Variants in RTKN observed in about 807,000 individuals in gnomAD.
RTKN encodes rhotekin.
A neutral mutation model predicts 63.5 loss-of-function variants in RTKN; 49 were observed. That is an observed-to-expected ratio of 0.77 (90% CI 0.61 to 0.98). The LOEUF (loss-of-function observed/expected upper bound fraction) is 0.98, where lower values mean the gene tolerates loss of function less well. Ranked by LOEUF, RTKN falls within the 50% of genes least tolerant of loss-of-function variation. RTKN has a pLI of 0.00. For synonymous variants in RTKN, 295 were observed against 290.4 expected (o/e 1.02, Z -0.16); for missense variants, 685 against 740.8 (o/e 0.92, Z 0.87).
rs1671037873 is a variant in RTKN, at chr2:74,436,032, T to A, written c.112-3366A>T. 6.6e-6 allele frequency among the ~76,000 whole-genome samples: 1 copy of A among 152,224 alleles called. No homozygotes were observed. The highest frequency in any genetic ancestry group is 1.5e-5 in the Non-Finnish European group (1 of 68,044). On this transcript the variant is annotated intron_variant, in intron 1 of 11. Transcript: ENST00000272430. This position sits in a 1 kb window ranked among gnomAD's most constrained non-coding sequence, Gnocchi z 4.3. ...TACATAGGTCCTCCCAGTCTAGTTT[T>A]GTCTGCACCAGGGTTCTGCGCTGCC... is the stretch of plus-strand genomic sequence containing the variant.
chr2:74,428,960 G>T lies in RTKN; in HGVS notation c.756-18C>A. On this transcript the variant is annotated intron_variant, in intron 6 of 11. Coordinates refer to ENST00000272430, the MANE Select transcript of RTKN (RefSeq NM_001015055.2). Reference sequence around the variant, plus strand: ...GAGGACCACTGAGGGAGATAGGAGAGAGCATCAGCCAAGGGAGGGGCATGT... The same window carrying T: ...GAGGACCACTGAGGGAGATAGGAGATAGCATCAGCCAAGGGAGGGGCATGT... The T allele has an allele frequency of 6.2e-7, 1 of 1,603,630 alleles. No homozygotes were observed. Among genetic ancestry groups the T allele is most frequent in the South Asian group, 1.1e-5 (1 of 90,772 alleles).
At position 74,426,353 on chromosome 2, in the gene RTKN, G is replaced by A. The variant is rs142366489; in HGVS notation, c.1582C>T (p.His528Tyr). ...GCAACCGAGCGAGCCCTAGGGGAGT[G>A]GTCTGGGGGGACAGCATCCAGGGAA... ...TFSLDAVPPD[H>Y]SPRARSVAPL... The change falls in exon 12 of 12, where the codon CAC (histidine) becomes TAC (tyrosine). Residue 528 changes from histidine to tyrosine, a missense_variant. Physicochemically the swap from His to Tyr is moderately conservative, Grantham distance 83. Coordinates refer to ENST00000272430, the MANE Select transcript of RTKN (RefSeq NM_001015055.2). 1 of 1,612,016 alleles carries A rather than the reference G, an allele frequency of 6.2e-7. No individual in the cohort carries two copies. The highest frequency in any genetic ancestry group is 8.5e-7 in the Non-Finnish European group (1 of 1,178,490).
intron 1 of RTKN, among the ~76,000 whole-genome samples, chr2:74,438,630 C>T (rs982673495): frequency 6.6e-6 from 1 of 152,252 alleles, no homozygotes; most frequent in Non-Finnish European, 1.5e-5. Context: ...CCATCAGCTC[C>T]ACCCCAACTA....
chr2:74,435,910 G>A (rs947329607), intron 1 of RTKN, among the ~76,000 whole-genome samples: 7 of 152,160 alleles, frequency 4.6e-5, no homozygotes, highest in African/African-American at 1.7e-4. Flanking sequence ...GTGCTAGGCC[G>A]GACTTTTATC....
intron 1 of RTKN, chr2:74,439,632 C>T: frequency 6.2e-7 from 1 of 1,613,914 alleles, no homozygotes; most frequent in Non-Finnish European, 8.5e-7. Flanking sequence ...TCTCTGTGCC[C>T]CCCGGTGCCC....
chr2:74,426,358 G>A lies in RTKN; in HGVS notation c.1577C>T (p.Pro526Leu), dbSNP rs377536202. The change falls in exon 12 of 12, where the codon CCA becomes CTA. Residue 526 changes from proline to leucine, a missense_variant. Transcript: ENST00000272430. Reference sequence around the variant, plus strand: ...CGAGCGAGCCCTAGGGGAGTGGTCTGGGGGGACAGCATCCAGGGAAAAGGT... The same window carrying A: ...CGAGCGAGCCCTAGGGGAGTGGTCTAGGGGGACAGCATCCAGGGAAAAGGT... ...PRTFSLDAVPPDHSPRARSVA... is the reference protein window; with the variant it reads ...PRTFSLDAVPLDHSPRARSVA... The A allele has an allele frequency of 1.2e-6, 2 of 1,611,336 alleles. No homozygotes were observed. Among genetic ancestry groups the A allele is most frequent in the South Asian group, 1.1e-5 (1 of 90,954 alleles).
intron 1 of RTKN, among the ~76,000 whole-genome samples, chr2:74,441,023 C>T (rs1671339488): frequency 6.6e-6 from 1 of 152,262 alleles, no homozygotes; most frequent in African/African-American, 2.4e-5. Flanking sequence ...CAACCACACA[C>T]CTTCAGCCCC....
At chr2:74,429,763 G>A (rs1670627177) in intron 6 of RTKN, 65 bp downstream of exon 6, 2 of 1,488,134 alleles carry the variant, frequency 1.3e-6, no homozygotes, top group Non-Finnish European at 1.9e-6. Context: ...ACTCAACACA[G>A]TTCAAAGGTC....
intron 9 of RTKN, chr2:74,427,922 A>C (rs1391097071): frequency 2.1e-5 from 10 of 486,332 alleles, no homozygotes; most frequent in Non-Finnish European, 3.3e-5. Context: ...AGGGATAGGG[A>C]GCAAAGAAGG....
chr2:74,440,711 G>C (rs1414550493), intron 1 of RTKN: 8 of 269,536 alleles, frequency 3.0e-5, no homozygotes. Flanking sequence ...TGGGGGCAAG[G>C]GGACGCGACA....
rs943511189 is a variant in RTKN at position 74,439,485 on chromosome 2, G to A, written c.111+2221C>T. The A allele has an allele frequency of 6.4e-6, 10 of 1,557,910 alleles. No individual in the cohort carries two copies. The Admixed American group carries it at 1.5e-4, about 24-fold the overall frequency. ...CCCCACCATGCTGTAGCAGGAATGG[G>A]CAGGGCAGAGATTGGGGCTGGGATG... On this transcript the variant is annotated intron_variant, in intron 1 of 11. Transcript: ENST00000272430.
In RTKN at chr2:74,426,324, G is replaced by T. The variant is rs762891569; in HGVS notation, c.1611C>A (p.Pro537=). 1.9e-6 allele frequency: 3 copies of T among 1,613,714 alleles called. No individual in the cohort carries two copies. The highest frequency in any genetic ancestry group is 1.7e-4 in the Middle Eastern group (1 of 6,058). The change falls in exon 12 of 12, where the codon CCC becomes CCA. Residue 537 remains proline (P), a synonymous_variant. Coordinates refer to ENST00000272430, the MANE Select transcript of RTKN (RefSeq NM_001015055.2). ...TCCGTGGGGATCGCTGAGGTGGGAG[G>T]GGGGCAACCGAGCGAGCCCTAGGGG... ...DHSPRARSVA[P]LPPQRSPRTR...
rs755244728 is a variant in RTKN at position 74,428,785 on chromosome 2, C to T, written c.851-48G>A. ...GTGAGGTAGGGGAATGAGAAGGGGA[C>T]CATCCCACAGCCCCTCTTCTCACCA... On this transcript the variant is annotated intron_variant, in intron 7 of 11. Coordinates refer to ENST00000272430, the MANE Select transcript of RTKN (RefSeq NM_001015055.2). 7 of 1,601,176 alleles carry T rather than the reference C, an allele frequency of 4.4e-6. No individual in the cohort carries two copies. In the South Asian group the frequency reaches 7.7e-5, roughly 18 times the overall value.
intron 2 of RTKN, chr2:74,432,159 T>C (rs923463373): frequency 2.0e-6 from 1 of 501,378 alleles, no homozygotes. Context: ...AAAAGCCAGA[T>C]AGCCAGTCTT....
At chr2:74,428,168 GCTT>G (rs1670521065) in intron 9 of RTKN, 97 bp downstream of exon 9, 1 of 1,524,460 alleles carries the variant, frequency 6.6e-7, no homozygotes, top group Non-Finnish European at 9.0e-7. Flanking sequence ...CAGGAGGCCT[GCTT>G]CTATCTCTCT....
At chr2:74,435,909 C>T (rs1353089191) in intron 1 of RTKN, among the ~76,000 whole-genome samples, 6 of 152,174 alleles carry the variant, frequency 3.9e-5, no homozygotes, top group Admixed American at 3.3e-4. Context: ...TGTGCTAGGC[C>T]GGACTTTTAT....
At chr2:74,432,135 G>A (rs1161969894) in intron 2 of RTKN, 1 of 444,180 alleles carries the variant, frequency 2.3e-6, no homozygotes, top group Non-Finnish European at 4.2e-6. Context: ...CAGCGTTGAG[G>A]AAATTAATTT....
intron 1 of RTKN, among the ~76,000 whole-genome samples, chr2:74,435,036 C>T (rs146619017): frequency 1.1e-3 from 162 of 152,220 alleles, no homozygotes; most frequent in African/African-American, 3.4e-3. Context: ...TGTTCACTGA[C>T]GCTGCACAGA....
intron 1 of RTKN, among the ~76,000 whole-genome samples, chr2:74,437,974 A>G (rs11892409): frequency 0.044 from 6,679 of 152,276 alleles, 494 homozygotes; most frequent in African/African-American, 0.15. Flanking sequence ...GTCCTGAGAA[A>G]GATTCTGAGG....
Sources: allele counts gnomAD v4.1 joint callset (sites outside exome capture counted in the v4.1 genomes callset), GRCh38; gene constraint gnomAD v4.1.1; non-coding constraint Gnocchi (gnomAD v3.1); transcripts MANE v1.5; gene names NCBI Gene and HGNC (gene_info 2026-07-23, HGNC 2026-07-21).